The following DLEU7 variants were observed in gnomAD, a reference collection of about 807,000 sequenced individuals.
The protein encoded by DLEU7 is leukemia-associated protein 7.
Under a neutral mutation model 16.0 loss-of-function variants are expected in DLEU7, and 17 were observed. The observed-to-expected ratio is 1.06, with a 90% confidence interval of 0.73 to 1.59. DLEU7 has a LOEUF of 1.59. Among genes scored for constraint, DLEU7 ranks in the 40% most tolerant of loss-of-function variants. DLEU7 has a pLI of 0.00. For synonymous variants in DLEU7, 113 were observed against 139.8 expected, an observed-to-expected ratio of 0.81 and a Z score of 1.35; for missense variants, 308 against 314.9, an observed-to-expected ratio of 0.98 and a Z score of 0.17.
intron 1 of DLEU7, among the ~76,000 whole-genome samples, chr13:50,783,671 T>C (rs1279208702): frequency 6.6e-6 from 1 of 152,190 alleles, no homozygotes; most frequent in Non-Finnish European, 1.5e-5. Context: ...CAATAGCGTC[T>C]CTGCCACAAA....
chr13:50,797,539 G>A (rs1175441893), intron 1 of DLEU7, among the ~76,000 whole-genome samples: 1 of 152,166 alleles, frequency 6.6e-6, no homozygotes, highest in African/African-American at 2.4e-5. Context: ...TGGAAAAAGA[G>A]TAGATGTTAG....
chr13:50,827,288 G>C (rs184114071), intron 1 of DLEU7, among the ~76,000 whole-genome samples: 1 of 152,268 alleles, frequency 6.6e-6, no homozygotes, highest in East Asian at 1.9e-4. Context: ...ATAAATATCA[G>C]ACTTGTTAGG....
chr13:50,711,653 T>C (rs1873287200), downstream of DLEU7: 1 of 152,174 alleles, frequency 6.6e-6, no homozygotes, highest in African/African-American at 2.4e-5. Context: ...TTTCAATCAT[T>C]TGTTTGCAAA....
intron 1 of DLEU7, among the ~76,000 whole-genome samples, chr13:50,829,802 C>A (rs1356254359): frequency 6.6e-6 from 1 of 152,130 alleles, no homozygotes; most frequent in Non-Finnish European, 1.5e-5. Flanking sequence ...GCTTCTCTAC[C>A]ATTCCAGAAG....
chr13:50,837,505 G>A (rs138874297), intron 1 of DLEU7, among the ~76,000 whole-genome samples: 13 of 152,224 alleles, frequency 8.5e-5, no homozygotes, highest in South Asian at 2.1e-4. Context: ...CGTGGCTTAC[G>A]GGGAGAGAAT....
At chr13:50,738,573 C>G (rs1874151469) in intron 1 of DLEU7, among the ~76,000 whole-genome samples, 2 of 152,116 alleles carry the variant, frequency 1.3e-5, no homozygotes, top group Admixed American at 6.5e-5. Flanking sequence ...TGACAAGAAC[C>G]TGCCTGATTC....
intron 1 of DLEU7, among the ~76,000 whole-genome samples, chr13:50,763,511 C>A (rs1462902527): frequency 6.6e-6 from 1 of 152,100 alleles, no homozygotes; most frequent in Non-Finnish European, 1.5e-5. Context: ...AAGTGCAAGA[C>A]CCTGGGTGAA....
rs186892121 is a variant in DLEU7 at position 50,810,817 on chromosome 13, A to G, written c.459+32371T>C. Among the ~76,000 whole-genome samples, 9 of 152,332 alleles carry G rather than the reference A, an allele frequency of 5.9e-5. No homozygotes were observed. The East Asian group carries it at 1.3e-3, about 23-fold the overall frequency. On this transcript the variant is annotated intron_variant, in intron 1 of 1. Coordinates refer to the DLEU7 transcript ENST00000400393. ...TATTTTAAAGTTTGGCAAAATTTAT[A>G]TTATACATCCCTGGATTCTTAAATC... is the stretch of plus-strand genomic sequence containing the variant.
intron 1 of DLEU7, among the ~76,000 whole-genome samples, chr13:50,815,279 C>T (rs553889829): frequency 1.6e-3 from 244 of 152,172 alleles, no homozygotes; most frequent in Non-Finnish European, 3.0e-3. Flanking sequence ...TACAATTGCA[C>T]GTCATTCTGA....
intron 1 of DLEU7, among the ~76,000 whole-genome samples, chr13:50,748,227 A>ATT (rs1874458057): frequency 1.7e-5 from 2 of 118,012 alleles, no homozygotes; most frequent in African/African-American, 3.1e-5. Flanking sequence ...GACTCCTTAA[A>ATT]CTTTTTTTTT....
intron 1 of DLEU7, among the ~76,000 whole-genome samples, chr13:50,838,139 C>T (rs1158345385): frequency 1.3e-5 from 2 of 152,182 alleles, no homozygotes; most frequent in Non-Finnish European, 2.9e-5. Context: ...TTCATACTTG[C>T]AGTTTGCAAT....
At chr13:50,746,033 A>G (rs1874383509) in intron 1 of DLEU7, among the ~76,000 whole-genome samples, 1 of 152,186 alleles carries the variant, frequency 6.6e-6, no homozygotes, top group Admixed American at 6.5e-5. Flanking sequence ...GACCAAGGCC[A>G]TAGACAGCTG....
chr13:50,763,368 A>G (rs1275921729), intron 1 of DLEU7, among the ~76,000 whole-genome samples: 4 of 152,230 alleles, frequency 2.6e-5, no homozygotes, highest in African/African-American at 9.6e-5. Flanking sequence ...CTGGCTGAAG[A>G]CAGGAAGCCC....
intron 1 of DLEU7, among the ~76,000 whole-genome samples, chr13:50,794,651 C>T (rs1424603808): frequency 6.6e-6 from 1 of 152,170 alleles, no homozygotes; most frequent in African/African-American, 2.4e-5. Context: ...TAGATTTGTT[C>T]TCAAAAGAGA....
At chr13:50,720,196 G>A (rs2761845) in intron 1 of DLEU7, among the ~76,000 whole-genome samples, 12,837 of 152,174 alleles carry the variant, frequency 0.084, 601 homozygotes, top group East Asian at 0.15. Context: ...CCAGGGCATC[G>A]TCCCTTTTGC....
chr13:50,759,984 C>A (rs962305070), intron 1 of DLEU7, among the ~76,000 whole-genome samples: 2 of 152,226 alleles, frequency 1.3e-5, no homozygotes, highest in African/African-American at 4.8e-5. Context: ...GCTCATCAGT[C>A]AGTGTCAGCT....
At chr13:50,763,125 G>T (rs1342557435) in intron 1 of DLEU7, among the ~76,000 whole-genome samples, 2 of 152,182 alleles carry the variant, frequency 1.3e-5, no homozygotes, top group Admixed American at 6.5e-5. Context: ...GGACAATGAT[G>T]TGTGAGATGC....
chr13:50,732,710 A>G (rs1873948623), intron 1 of DLEU7, among the ~76,000 whole-genome samples: 1 of 152,146 alleles, frequency 6.6e-6, no homozygotes, highest in African/African-American at 2.4e-5. Flanking sequence ...ACTATGTTAA[A>G]TTTCTTTGAG....
intron 1 of DLEU7, among the ~76,000 whole-genome samples, chr13:50,814,008 A>G (rs767706785): frequency 1.3e-5 from 2 of 152,166 alleles, no homozygotes; most frequent in Non-Finnish European, 2.9e-5. Context: ...TCATTCTGTC[A>G]GACCAAGGTG....
Sources: gnomAD v4.1 joint callset for allele counts (sites outside exome capture counted in the v4.1 genomes callset) on GRCh38, gnomAD v4.1.1 for gene constraint, MANE v1.5 for transcripts, NCBI Gene and HGNC (gene_info 2026-07-23, HGNC 2026-07-21) for gene names.